The following AGTPBP1 variants were observed in gnomAD, a reference collection of about 807,000 sequenced individuals.
AGTPBP1 encodes ATP/GTP binding carboxypeptidase 1, also known as cytosolic carboxypeptidase 1.
In AGTPBP1, 70 loss-of-function variants were observed where a neutral mutation model predicts 143.9. The observed-to-expected ratio is 0.49, with a 90% CI of 0.40 to 0.59. AGTPBP1 has a LOEUF of 0.59. AGTPBP1 is among the 20% of genes least tolerant of loss of function. AGTPBP1 has a pLI of 0.00. For synonymous variants in AGTPBP1, 463 were observed against 500.2 expected, an observed-to-expected ratio of 0.93 and a Z score of 0.99; for missense variants, 1,229 against 1,464.5, an observed-to-expected ratio of 0.84 and a Z score of 2.62.
chr9:85,675,858 T>G (rs1021515445), intron 6 of AGTPBP1, among the ~76,000 whole-genome samples: 2 of 152,076 alleles, frequency 1.3e-5, no homozygotes, highest in African/African-American at 4.8e-5. Flanking sequence ...ACCCCGTCTC[T>G]ACTAAAAATA....
rs781144310 is a variant in AGTPBP1, at chr9:85,718,480, T to C, written c.-33-5914A>G. 1.2e-4 allele frequency among the ~76,000 whole-genome samples: 18 copies of C among 152,374 alleles called. 1 individual carries two copies. The Middle Eastern group carries it at 0.014, about 115-fold the overall frequency. ...GATAAATGTCTTCTTTTGAGAAGTA[T>C]ATGTTCATATCCTTTGCCCACTTTT... On this transcript the variant is annotated intron_variant, in intron 1 of 25. Transcript: ENST00000357081.
rs569485546 is a variant in AGTPBP1 at position 85,608,843 on chromosome 9, G to A, written c.2335+10140C>T. 5.9e-5 allele frequency among the ~76,000 whole-genome samples: 9 copies of A among 152,084 alleles called. No individual in the cohort carries two copies. The South Asian group carries it at 1.9e-3, about 32-fold the overall frequency. ...AAACAAAATGAAAAAAACAAACAGG[G>A]AGGGAACCCACGCAGGAGGATGGAA... On this transcript the variant is annotated intron_variant, in intron 17 of 25. Transcript: ENST00000357081.
chr9:85,589,602 G>A lies in AGTPBP1; in HGVS notation c.2648C>T (p.Ser883Phe). ...AGTCACCAAGGGGCAGCTGTTTCCA[G>A]ACAGGGTTTCACATAACACATCTTT... is the stretch of plus-strand genomic sequence containing the variant. Reference protein sequence around the residue: ...FRKDVLCETLSGNSCPLVTIT... With the variant: ...FRKDVLCETLFGNSCPLVTIT... Residue 883 changes from serine to phenylalanine, a missense_variant, in exon 20 of 26, where the codon TCT (serine) becomes TTT (phenylalanine). Transcript: ENST00000357081. The A allele has an allele frequency of 6.2e-7, 1 of 1,613,670 alleles. No individual in the cohort carries two copies. Among genetic ancestry groups the A allele is most frequent in the Non-Finnish European group, 8.5e-7 (1 of 1,179,712 alleles).
rs1230929421 is a variant in AGTPBP1 at position 85,588,384 on chromosome 9, G to T, written c.2817C>A (p.Ser939Arg). 5.6e-6 allele frequency: 9 copies of T among 1,613,456 alleles called. No individual in the cohort carries two copies. Among genetic ancestry groups the T allele is most frequent in the Non-Finnish European group, 7.6e-6 (9 of 1,179,692 alleles). ...VMKGTLEYLMSNNPTAQSLRE... is the reference protein window; with the variant it reads ...VMKGTLEYLMRNNPTAQSLRE... Reference sequence around the variant, plus strand: ...GTAAGCTCTGAGCAGTGGGGTTATTGCTCATGAGATATTCCAACGTTCCTT... The same window carrying T: ...GTAAGCTCTGAGCAGTGGGGTTATTTCTCATGAGATATTCCAACGTTCCTT... Residue 939 changes from serine to arginine, a missense_variant, in exon 21 of 26, where the codon AGC (serine) becomes AGA (arginine). This residue lies in a region of AGTPBP1 where 486 missense variants were observed against 652.3 expected (regional missense o/e 0.75). Coordinates refer to ENST00000357081, the MANE Select transcript of AGTPBP1 (RefSeq NM_001330701.2).
chr9:85,580,952 C>G (rs1564028762), intron 23 of AGTPBP1, among the ~76,000 whole-genome samples: 1 of 152,206 alleles, frequency 6.6e-6, no homozygotes, highest in Non-Finnish European at 1.5e-5. Context: ...ACATGCATAT[C>G]TATACGGATG....
At chr9:85,603,568 G>C (rs972714726) in intron 17 of AGTPBP1, among the ~76,000 whole-genome samples, 6 of 152,192 alleles carry the variant, frequency 3.9e-5, no homozygotes, top group Non-Finnish European at 8.8e-5. Context: ...GCTGGCTTCA[G>C]GGGGTGGCCA....
intron 17 of AGTPBP1, among the ~76,000 whole-genome samples, chr9:85,601,869 C>A (rs1024650923): frequency 6.6e-6 from 1 of 152,100 alleles, no homozygotes; most frequent in African/African-American, 2.4e-5. Flanking sequence ...CAAATTTCAC[C>A]ACAGCCACCA....
At chr9:85,615,980 C>T (rs1445586036) in intron 17 of AGTPBP1, among the ~76,000 whole-genome samples, 1 of 148,914 alleles carries the variant, frequency 6.7e-6, no homozygotes, top group East Asian at 2.1e-4. Flanking sequence ...TATTTAATAA[C>T]CAGAAAAAAA....
At chr9:85,756,342 T>C in the AGTPBP1 span, 3 of 1,358,928 alleles carry the variant, frequency 2.2e-6, no homozygotes, top group Non-Finnish European at 9.6e-7. Context: ...TAATAAGAAA[T>C]GTGTGGGAGG....
intron 12 of AGTPBP1, 127 bp from the exon 13 acceptor site, chr9:85,643,070 A>G (rs62569170): frequency 0.019 from 12,387 of 641,980 alleles, 158 homozygotes; most frequent in Middle Eastern, 0.033. Flanking sequence ...CTGAATAAAT[A>G]CTGCATTAAT....
At chr9:85,592,197 C>T (rs1344526629) in intron 19 of AGTPBP1, among the ~76,000 whole-genome samples, 2 of 151,928 alleles carry the variant, frequency 1.3e-5, no homozygotes, top group East Asian at 3.9e-4. Flanking sequence ...ATCATGGAAT[C>T]TTAGCTTAGA....
At chr9:85,768,485 G>A in the AGTPBP1 span, among the ~76,000 whole-genome samples, 7 of 151,926 alleles carry the variant, frequency 4.6e-5, no homozygotes, top group South Asian at 4.2e-4. Context: ...AATTTGTTTC[G>A]TTATGTATTG....
chr9:85,751,138 T>A, the AGTPBP1 span, among the ~76,000 whole-genome samples: 1 of 152,110 alleles, frequency 6.6e-6, no homozygotes, highest in African/African-American at 2.4e-5. Flanking sequence ...TTACTTATCA[T>A]CCCCCTTTCT....
At chr9:85,576,510 A>AT (rs575585237) in intron 24 of AGTPBP1, among the ~76,000 whole-genome samples, 164 of 152,334 alleles carry the variant, frequency 1.1e-3, no homozygotes, top group African/African-American at 3.8e-3. Context: ...ACCTGACTTC[A>AT]TTAGAACCTT....
intron 25 of AGTPBP1, 55 bp from the exon 26 acceptor site, chr9:85,547,341 T>G: frequency 1.4e-6 from 2 of 1,411,398 alleles, no homozygotes; most frequent in Non-Finnish European, 1.9e-6. Context: ...AAGGTCCTAA[T>G]ATAAGATTAT....
At chr9:85,636,144 G>A (rs1449650263) in intron 13 of AGTPBP1, among the ~76,000 whole-genome samples, 1 of 150,810 alleles carries the variant, frequency 6.6e-6, no homozygotes, top group African/African-American at 2.4e-5. Flanking sequence ...AGAAACATTA[G>A]ATATTGAAAA....
At chr9:85,647,159 C>T (rs1342575807) in intron 11 of AGTPBP1, among the ~76,000 whole-genome samples, 1 of 152,162 alleles carries the variant, frequency 6.6e-6, no homozygotes, top group Non-Finnish European at 1.5e-5. Context: ...TGCCTGTAAT[C>T]CCAGCTACTC....
chr9:85,697,712 A>G (rs912933576), intron 2 of AGTPBP1, among the ~76,000 whole-genome samples: 2 of 152,048 alleles, frequency 1.3e-5, no homozygotes, highest in Non-Finnish European at 1.5e-5. Flanking sequence ...TCAGCCTCCC[A>G]AAGTGCTAGG....
chr9:85,688,672 A>G (rs963045480), intron 3 of AGTPBP1, among the ~76,000 whole-genome samples: 26 of 152,228 alleles, frequency 1.7e-4, no homozygotes, highest in African/African-American at 5.8e-4. Flanking sequence ...TGTTTCTAGG[A>G]AAAAAACTAA....
Sources: allele counts gnomAD v4.1 joint callset (sites outside exome capture counted in the v4.1 genomes callset), GRCh38; gene constraint gnomAD v4.1.1; regional missense constraint gnomAD v4.1.1; transcripts MANE v1.5; gene names NCBI Gene and HGNC (gene_info 2026-07-23, HGNC 2026-07-21).